SSBP2: variants seen among roughly 807,000 people sequenced by gnomAD.
The protein encoded by SSBP2 is single stranded DNA binding protein 2.
SSBP2 carries 17 observed loss-of-function variants against 61.8 expected under a neutral mutation model. The ratio of observed to expected loss-of-function variants is 0.28; its 90% CI spans 0.19 to 0.41. The LOEUF is 0.41. Among genes scored for constraint, SSBP2 ranks in the 10% least tolerant of loss-of-function variants. SSBP2 has a pLI of 1.00. For synonymous variants in SSBP2, 139 were observed against 141.3 expected, an observed-to-expected ratio of 0.98 and a Z score of 0.12; for missense variants, 310 against 458.7, an observed-to-expected ratio of 0.68 and a Z score of 2.96.
At chr5:81,534,609 G>A (rs1770672661) in intron 4 of SSBP2, among the ~76,000 whole-genome samples, 1 of 152,040 alleles carries the variant, frequency 6.6e-6, no homozygotes, top group East Asian at 1.9e-4. Context: ...AGACATGACT[G>A]AAGAAACAAT....
At chr5:81,691,281 T>C (rs763533731) in intron 1 of SSBP2, among the ~76,000 whole-genome samples, 8 of 151,916 alleles carry the variant, frequency 5.3e-5, no homozygotes, top group Non-Finnish European at 1.2e-4. Context: ...AAAGTTGTTT[T>C]TTTCCAAAGA....
At chr5:81,439,628 G>A (rs1762887322) in intron 14 of SSBP2, among the ~76,000 whole-genome samples, 1 of 144,654 alleles carries the variant, frequency 6.9e-6, no homozygotes, top group Non-Finnish European at 1.5e-5. Context: ...AGCCTTTTGA[G>A]TAACTGGGAT....
chr5:81,458,433 A>T (rs774926128), intron 10 of SSBP2, among the ~76,000 whole-genome samples: 30 of 152,232 alleles, frequency 2.0e-4, no homozygotes, highest in Non-Finnish European at 4.4e-4. Context: ...TAGAGAGAGG[A>T]AATAATAAAG....
chr5:81,454,498 C>T (rs558063231), intron 10 of SSBP2, among the ~76,000 whole-genome samples: 3 of 152,102 alleles, frequency 2.0e-5, no homozygotes, highest in African/African-American at 4.8e-5. Context: ...GTGGCCAACA[C>T]GGTGAAACCT....
At position 81,441,106 on chromosome 5, in the gene SSBP2, A is replaced by AC. The variant is rs1330621301; in HGVS notation, c.850-471_850-470insG. 3.4e-4 allele frequency among the ~76,000 whole-genome samples: 52 copies of AC among 152,340 alleles called. No homozygotes were observed. In the Middle Eastern group the frequency reaches 0.024, roughly 70 times the overall value. On this transcript the variant is annotated intron_variant, in intron 13 of 16. Transcript: ENST00000320672. ...CTTTGTTTAAATGGACATAATAAAT[A>AC]ATTTCATCTTATAGGTTAAATACAT...
chr5:81,689,810 T>C (rs7705872), intron 1 of SSBP2, among the ~76,000 whole-genome samples: 4,623 of 152,214 alleles, frequency 0.03, 182 homozygotes, highest in African/African-American at 0.1. Context: ...TAGAATATTG[T>C]GACACTGTAA....
intron 11 of SSBP2, chr5:81,448,094 T>C (rs1301687493): frequency 6.6e-6 from 1 of 152,202 alleles, no homozygotes; most frequent in African/African-American, 2.4e-5. Context: ...GTTACCATTT[T>C]ATCCTTGTTT....
chr5:81,583,840 G>T (rs140907730), intron 4 of SSBP2, among the ~76,000 whole-genome samples: 1 of 152,084 alleles, frequency 6.6e-6, no homozygotes, highest in Non-Finnish European at 1.5e-5. Flanking sequence ...ATTCCAGAAA[G>T]GTGCATCCAT....
intron 1 of SSBP2, among the ~76,000 whole-genome samples, chr5:81,731,350 T>TG (rs1371231599): frequency 6.6e-6 from 1 of 152,180 alleles, no homozygotes; most frequent in Non-Finnish European, 1.5e-5. Flanking sequence ...AATATTTTCA[T>TG]GGGGCAGAAT....
At chr5:81,626,054 A>T (rs1427318983) in intron 3 of SSBP2, among the ~76,000 whole-genome samples, 2 of 152,214 alleles carry the variant, frequency 1.3e-5, no homozygotes, top group Non-Finnish European at 2.9e-5. Context: ...TCTGTTTAAG[A>T]AAACTATCCT....
chr5:81,484,531 A>T (rs981367819), intron 6 of SSBP2, among the ~76,000 whole-genome samples: 1 of 152,124 alleles, frequency 6.6e-6, no homozygotes, highest in Non-Finnish European at 1.5e-5. Flanking sequence ...TAATCTTGCC[A>T]TGTTGGATTT....
intron 1 of SSBP2, among the ~76,000 whole-genome samples, chr5:81,691,395 G>GA (rs2153834951): frequency 6.6e-6 from 1 of 151,948 alleles, no homozygotes; most frequent in African/African-American, 2.4e-5. Context: ...TGTTACCACA[G>GA]AAATACAAAG....
chr5:81,747,026 G>GT (rs1038062183), intron 1 of SSBP2, among the ~76,000 whole-genome samples: 4 of 142,236 alleles, frequency 2.8e-5, no homozygotes, highest in South Asian at 5.0e-4. Context: ...AATTCCTGGG[G>GT]GGGGGGGGAA....
intron 4 of SSBP2, among the ~76,000 whole-genome samples, chr5:81,590,927 T>C (rs898667381): frequency 1.3e-5 from 2 of 152,162 alleles, no homozygotes; most frequent in African/African-American, 2.4e-5. Flanking sequence ...ACAGTATTAC[T>C]AAGAATGTGA....
At chr5:81,638,345 A>T (rs972131672) in intron 2 of SSBP2, among the ~76,000 whole-genome samples, 1 of 143,480 alleles carries the variant, frequency 7.0e-6, no homozygotes, top group African/African-American at 2.4e-5. Flanking sequence ...AAAAAATAAA[A>T]AAATAAAATA....
chr5:81,433,531 C>T (rs1345506315), intron 15 of SSBP2, among the ~76,000 whole-genome samples: 1 of 150,950 alleles, frequency 6.6e-6, no homozygotes, highest in Non-Finnish European at 1.5e-5. Context: ...CTCCTTCCCT[C>T]CACTATTGTC....
At chr5:81,581,677 T>C (rs1310748301) in intron 4 of SSBP2, among the ~76,000 whole-genome samples, 1 of 152,302 alleles carries the variant, frequency 6.6e-6, no homozygotes, top group East Asian at 1.9e-4. Context: ...GTATTTTATA[T>C]TTTGCAGAAA....
chr5:81,554,947 A>G (rs1192216836), intron 4 of SSBP2, among the ~76,000 whole-genome samples: 3 of 152,136 alleles, frequency 2.0e-5, no homozygotes, highest in Non-Finnish European at 4.4e-5. Flanking sequence ...GTCAGGAGCC[A>G]TTGAACTTTA....
At chr5:81,437,291 T>C (rs1762733958) in intron 15 of SSBP2, 139 bp downstream of exon 15, 1 of 768,772 alleles carries the variant, frequency 1.3e-6, no homozygotes, top group Non-Finnish European at 2.2e-6. Context: ...TATTCTTAAC[T>C]TCCAATTAAT....
Sources: gnomAD v4.1 joint callset for allele counts (sites outside exome capture counted in the v4.1 genomes callset) on GRCh38, gnomAD v4.1.1 for gene constraint, MANE v1.5 for transcripts, NCBI Gene and HGNC (gene_info 2026-07-23, HGNC 2026-07-21) for gene names.